EDIL3: variants seen among roughly 807,000 people sequenced by gnomAD.
The protein encoded by EDIL3 is EGF-like repeat and discoidin I-like domain-containing protein 3.
In EDIL3, 37 loss-of-function variants were observed where a neutral mutation model predicts 67.4. The ratio of observed to expected loss-of-function variants is 0.55; its 90% CI spans 0.42 to 0.72. The LOEUF (loss-of-function observed/expected upper bound fraction) is 0.72. EDIL3 is among the 30% of genes least tolerant of loss of function. The pLI is 0.00. For synonymous variants in EDIL3, 195 were observed against 196.3 expected (o/e 0.99, Z 0.05); for missense variants, 527 against 586.3 (o/e 0.90, Z 1.04).
At chr5:84,256,979 A>T (rs1426755488) in intron 1 of EDIL3, among the ~76,000 whole-genome samples, 1 of 152,240 alleles carries the variant, frequency 6.6e-6, no homozygotes, top group Non-Finnish European at 1.5e-5. Flanking sequence ...TATGTGGAGT[A>T]ATCAGTGTAA....
chr5:83,993,165 A>G (rs1038541201), intron 9 of EDIL3, among the ~76,000 whole-genome samples: 1 of 152,166 alleles, frequency 6.6e-6, no homozygotes, highest in Admixed American at 6.6e-5. Context: ...TTGTAAGGCA[A>G]TATTTCTTTA....
intron 4 of EDIL3, among the ~76,000 whole-genome samples, chr5:84,149,182 C>T (rs1272737166): frequency 6.6e-6 from 1 of 152,100 alleles, no homozygotes; most frequent in Non-Finnish European, 1.5e-5. Flanking sequence ...ATATACCCAA[C>T]AGGAGAGAAC....
intron 9 of EDIL3, among the ~76,000 whole-genome samples, chr5:84,017,386 T>A (rs1745625710): frequency 6.6e-6 from 1 of 152,182 alleles, no homozygotes; most frequent in African/African-American, 2.4e-5. Context: ...GTTTCACTTG[T>A]GAAACATGTA....
intron 10 of EDIL3, among the ~76,000 whole-genome samples, chr5:83,951,678 A>G (rs1420598699): frequency 6.6e-6 from 1 of 151,734 alleles, no homozygotes; most frequent in African/African-American, 2.4e-5. Flanking sequence ...GTTTGGGAAC[A>G]TATTTCTTCA....
intron 1 of EDIL3, among the ~76,000 whole-genome samples, chr5:84,312,217 G>A: frequency 6.8e-6 from 1 of 147,032 alleles, no homozygotes; most frequent in East Asian, 2.1e-4. Context: ...CCCCGACGGG[G>A]CGGCTGGCCG....
At chr5:84,244,889 G>T (rs1554038032) in intron 2 of EDIL3, among the ~76,000 whole-genome samples, 1 of 152,156 alleles carries the variant, frequency 6.6e-6, no homozygotes, top group Non-Finnish European at 1.5e-5. Flanking sequence ...ATTCTCATAA[G>T]AACACAAACT....
At position 84,369,803 on chromosome 5, in the gene EDIL3, G is replaced by A. The variant is rs79946132; in HGVS notation, c.67+14505C>T. Among the ~76,000 whole-genome samples the A allele has an allele frequency of 4.1e-3, 619 of 152,156 alleles. 6 individuals are homozygous for A. Among genetic ancestry groups the A allele is most frequent in the African/African-American group, 0.014 (589 of 41,536 alleles). On this transcript the variant is annotated intron_variant, in intron 1 of 10. Transcript: ENST00000296591. Reference sequence around the variant, plus strand: ...TAAATTGAAAATTAAACCCCCAAACGCTGTATGATATGATCCATTTTATGG... The same window carrying A: ...TAAATTGAAAATTAAACCCCCAAACACTGTATGATATGATCCATTTTATGG...
chr5:83,970,782 T>G (rs1744778244), intron 9 of EDIL3, among the ~76,000 whole-genome samples: 1 of 150,724 alleles, frequency 6.6e-6, no homozygotes, highest in African/African-American at 2.4e-5. Flanking sequence ...TTGCACTTTC[T>G]TCTAGAAATT....
intron 1 of EDIL3, among the ~76,000 whole-genome samples, chr5:84,293,944 A>G (rs1387049698): frequency 6.6e-6 from 1 of 152,026 alleles, no homozygotes; most frequent in Non-Finnish European, 1.5e-5. Context: ...GGTTTGTTGG[A>G]AACAGAACAA....
intron 3 of EDIL3, among the ~76,000 whole-genome samples, chr5:84,210,021 C>T (rs1009376726): frequency 1.3e-5 from 2 of 152,120 alleles, no homozygotes; most frequent in African/African-American, 4.8e-5. Flanking sequence ...AGAAAGTTTT[C>T]AAAGTATAAA....
chr5:84,237,411 G>C (rs1391731968), intron 2 of EDIL3, among the ~76,000 whole-genome samples: 1 of 152,118 alleles, frequency 6.6e-6, no homozygotes, highest in Admixed American at 6.6e-5. Flanking sequence ...AAATCCATTG[G>C]TACAATGGGT....
rs1007173262 is a variant in EDIL3 at position 83,956,378 on chromosome 5, T to C, written c.1293+6827A>G. ...CTTGCATCCATTTTTTTCTGTCTTG[T>C]TTTTGACCCCAGGCCTCCACTTCAC... On this transcript the variant is annotated intron_variant, in intron 10 of 10. Transcript: ENST00000296591. 2.0e-5 allele frequency among the ~76,000 whole-genome samples: 3 copies of C among 151,820 alleles called. No individual in the cohort carries two copies. The East Asian group carries it at 5.9e-4, about 30-fold the overall frequency.
chr5:84,035,421 A>T (rs918164893), intron 9 of EDIL3, among the ~76,000 whole-genome samples: 15 of 152,148 alleles, frequency 9.9e-5, no homozygotes, highest in Non-Finnish European at 2.1e-4. Context: ...AAAACCAGTT[A>T]CAGTTTTAAA....
At chr5:84,016,770 G>GA (rs1421250581) in intron 9 of EDIL3, among the ~76,000 whole-genome samples, 4 of 152,090 alleles carry the variant, frequency 2.6e-5, no homozygotes, top group Non-Finnish European at 5.9e-5. Flanking sequence ...CCAAAATCCA[G>GA]AAAAATATAA....
intron 9 of EDIL3, among the ~76,000 whole-genome samples, chr5:84,042,265 T>G (rs922388313): frequency 6.6e-6 from 1 of 151,758 alleles, no homozygotes; most frequent in African/African-American, 2.4e-5. Flanking sequence ...TTCAATAGCA[T>G]TAAAAAATAG....
chr5:84,278,958 C>A (rs951357272), intron 1 of EDIL3, among the ~76,000 whole-genome samples: 2 of 151,950 alleles, frequency 1.3e-5, no homozygotes, highest in African/African-American at 4.8e-5. Flanking sequence ...TTTTTCACCA[C>A]CCCCTCCCCT....
At chr5:84,263,123 C>T (rs960591658) in intron 1 of EDIL3, among the ~76,000 whole-genome samples, 20 of 152,100 alleles carry the variant, frequency 1.3e-4, no homozygotes, top group Admixed American at 9.2e-4. Context: ...TTCTCAAAGA[C>T]TCTCACAAAA....
At chr5:84,356,098 A>G (rs1747474721) in intron 1 of EDIL3, among the ~76,000 whole-genome samples, 1 of 152,204 alleles carries the variant, frequency 6.6e-6, no homozygotes. Context: ...TTATATAGGC[A>G]CCTTTCAAGG....
At chr5:84,166,325 T>G (rs1748702670) in intron 4 of EDIL3, among the ~76,000 whole-genome samples, 1 of 152,144 alleles carries the variant, frequency 6.6e-6, no homozygotes, top group South Asian at 2.1e-4. Context: ...CACATACTAT[T>G]TAAGAGTTTT....
Sources: gnomAD v4.1 joint callset for allele counts (sites outside exome capture counted in the v4.1 genomes callset) on GRCh38, gnomAD v4.1.1 for gene constraint, MANE v1.5 for transcripts, NCBI Gene and HGNC (gene_info 2026-07-23, HGNC 2026-07-21) for gene names.